The following PPP2R2B variants were observed in gnomAD, a reference collection of about 807,000 sequenced individuals.
PPP2R2B encodes the protein protein phosphatase 2 regulatory subunit Bbeta, also known as serine/threonine-protein phosphatase 2A 55 kDa regulatory subunit B beta isoform.
A neutral mutation model predicts 46.0 loss-of-function variants in PPP2R2B; 5 were observed. The observed-to-expected ratio is 0.11, with a 90% CI of 0.06 to 0.23. The LOEUF (loss-of-function observed/expected upper bound fraction) is 0.23, where lower values mean the gene tolerates loss of function less well. PPP2R2B is among the 10% of genes least tolerant of loss of function. The pLI is 1.00. For missense variants in PPP2R2B, 367 were observed against 575.0 expected (o/e 0.64, Z 3.70); for synonymous variants, 215 against 206.7 (o/e 1.04, Z -0.34).
At chr5:146,711,498 C>A (rs903453058) in intron 2 of PPP2R2B, among the ~76,000 whole-genome samples, 3 of 152,146 alleles carry the variant, frequency 2.0e-5, no homozygotes, top group Non-Finnish European at 4.4e-5. Flanking sequence ...AATAATAGAT[C>A]TTGTCCTAAA....
intron 1 of PPP2R2B, among the ~76,000 whole-genome samples, chr5:147,023,833 C>T (rs540575750): frequency 1.3e-5 from 2 of 149,878 alleles, no homozygotes; most frequent in African/African-American, 2.5e-5. Context: ...AGGGCCCAGA[C>T]AGAAAAAAAA....
At chr5:146,752,133 G>A (rs1218114896) in intron 2 of PPP2R2B, among the ~76,000 whole-genome samples, 1 of 152,080 alleles carries the variant, frequency 6.6e-6, no homozygotes, top group Non-Finnish European at 1.5e-5. Context: ...GAGAGATGGT[G>A]GCAGCTTGGA....
At chr5:146,600,596 A>G (rs2151017382) in intron 7 of PPP2R2B, 136 bp from the exon 8 acceptor site, 1 of 809,678 alleles carries the variant, frequency 1.2e-6, no homozygotes, top group Admixed American at 2.8e-5. Context: ...GTAAGTTGCT[A>G]ATAGAGAACT....
intron 1 of PPP2R2B, among the ~76,000 whole-genome samples, chr5:146,916,134 G>T (rs1196573470): frequency 6.6e-6 from 1 of 152,012 alleles, no homozygotes; most frequent in Non-Finnish European, 1.5e-5. Flanking sequence ...CTGACCCACG[G>T]TTTGTACTTA....
chr5:146,845,689 T>C (rs775044210), intron 2 of PPP2R2B, among the ~76,000 whole-genome samples: 1 of 152,238 alleles, frequency 6.6e-6, no homozygotes, highest in South Asian at 2.1e-4. Flanking sequence ...ACATAGTTGA[T>C]GCTCCATGAC....
intron 1 of PPP2R2B, among the ~76,000 whole-genome samples, chr5:146,986,982 C>G (rs1290495485): frequency 6.6e-6 from 1 of 152,000 alleles, no homozygotes; most frequent in Non-Finnish European, 1.5e-5. Context: ...ATGTCAAAAA[C>G]AAAGGGAGGA....
At chr5:146,628,578 A>T (rs1462878239) in intron 7 of PPP2R2B, among the ~76,000 whole-genome samples, 2 of 152,164 alleles carry the variant, frequency 1.3e-5, no homozygotes, top group Non-Finnish European at 1.5e-5. Flanking sequence ...AGCACTAGAC[A>T]TTACCTCTCA....
At chr5:146,782,934 C>T (rs537675954) in intron 2 of PPP2R2B, among the ~76,000 whole-genome samples, 1 of 151,894 alleles carries the variant, frequency 6.6e-6, no homozygotes, top group African/African-American at 2.4e-5. Flanking sequence ...AATGTGGATA[C>T]AAAAGTGTCA....
In PPP2R2B at chr5:146,913,078, T is replaced by C. The variant is rs369546506; in HGVS notation, c.79+142587A>G. ...TTCAGGCTTTTTTGGAATGCAGCTG[T>C]CCTCTGGAGGCCCTGTCTGCCCATG... On this transcript the variant is annotated intron_variant, in intron 1 of 8. Coordinates refer to the PPP2R2B transcript ENST00000336640. Among the ~76,000 whole-genome samples, 110 of 152,298 alleles carry C rather than the reference T, an allele frequency of 7.2e-4. 4 individuals carry two copies. Among genetic ancestry groups the C allele is most frequent in the Admixed American group, 1.8e-3 (27 of 15,292 alleles).
intron 7 of PPP2R2B, among the ~76,000 whole-genome samples, chr5:146,605,901 A>G (rs1278855912): frequency 6.6e-6 from 1 of 152,192 alleles, no homozygotes. Context: ...TGCCTTGTGT[A>G]GACGTGTTTT....
chr5:147,014,406 A>C (rs1247007901), intron 1 of PPP2R2B, among the ~76,000 whole-genome samples: 3 of 150,824 alleles, frequency 2.0e-5, no homozygotes, highest in Admixed American at 6.6e-5. Flanking sequence ...AAATGACTAT[A>C]AATCATGCTG....
chr5:146,933,074 T>A (rs143394529), intron 1 of PPP2R2B, among the ~76,000 whole-genome samples: 1 of 152,314 alleles, frequency 6.6e-6, no homozygotes, highest in Non-Finnish European at 1.5e-5. Flanking sequence ...GCTGGTTGTA[T>A]TCAACCTTGG....
chr5:146,654,999 G>A (rs1776226050), intron 5 of PPP2R2B, among the ~76,000 whole-genome samples: 1 of 152,228 alleles, frequency 6.6e-6, no homozygotes, highest in Admixed American at 6.5e-5. Flanking sequence ...TCAAGGCGGA[G>A]ACAAGGGATG....
At chr5:146,863,143 T>G (rs2151396427) in intron 2 of PPP2R2B, among the ~76,000 whole-genome samples, 1 of 152,210 alleles carries the variant, frequency 6.6e-6, no homozygotes, top group South Asian at 2.1e-4. Flanking sequence ...AAAATACATC[T>G]TGTTCACAAA....
At chr5:147,046,093 G>T (rs1366279151) in intron 1 of PPP2R2B, among the ~76,000 whole-genome samples, 1 of 152,066 alleles carries the variant, frequency 6.6e-6, no homozygotes, top group Non-Finnish European at 1.5e-5. Context: ...ATAAGAGCAG[G>T]AACCATATCC....
At chr5:146,942,777 C>A (rs1677828151) in intron 1 of PPP2R2B, among the ~76,000 whole-genome samples, 1 of 150,912 alleles carries the variant, frequency 6.6e-6, no homozygotes, top group Non-Finnish European at 1.5e-5. Context: ...TTTCTTTATT[C>A]TTAGGTAATA....
chr5:146,847,389 T>C (rs1472902712), intron 2 of PPP2R2B, among the ~76,000 whole-genome samples: 2 of 152,234 alleles, frequency 1.3e-5, no homozygotes, highest in East Asian at 1.9e-4. Flanking sequence ...AAAGGTGCCA[T>C]GCTTCTTTTG....
At chr5:146,782,853 CAGAG>C (rs1003598825) in intron 2 of PPP2R2B, among the ~76,000 whole-genome samples, 42 of 150,772 alleles carry the variant, frequency 2.8e-4, no homozygotes, top group South Asian at 4.2e-4. Flanking sequence ...AGAGGAGAGA[CAGAG>C]AGAAACAGAG....
chr5:147,034,959 G>A (rs761706318), intron 1 of PPP2R2B, among the ~76,000 whole-genome samples: 1 of 152,000 alleles, frequency 6.6e-6, no homozygotes, highest in Non-Finnish European at 1.5e-5. Flanking sequence ...GTGGTAGAAG[G>A]AGGGAGGTGT....
Sources: gnomAD v4.1 joint callset for allele counts (sites outside exome capture counted in the v4.1 genomes callset) on GRCh38, gnomAD v4.1.1 for gene constraint, MANE v1.5 for transcripts, NCBI Gene and HGNC (gene_info 2026-07-23, HGNC 2026-07-21) for gene names.